The following CCNY variants were observed in gnomAD, a reference collection of about 807,000 sequenced individuals.
CCNY encodes cyclin-Y.
A neutral mutation model predicts 42.8 loss-of-function variants in CCNY; 19 were observed. The ratio of observed to expected loss-of-function variants is 0.44; its 90% CI spans 0.31 to 0.65. The LOEUF is 0.65. Ranked by LOEUF, CCNY falls within the 30% of genes least tolerant of loss-of-function variation. The probability of loss-of-function intolerance (pLI) is 0.07; values close to 1 mark genes in which losing one functional copy is unlikely to be tolerated. For missense variants in CCNY, 370 were observed against 437.3 expected, an observed-to-expected ratio of 0.85 and a Z score of 1.37; for synonymous variants, 165 against 162.7, an observed-to-expected ratio of 1.01 and a Z score of -0.11.
chr10:35,376,822 C>T (rs1186633445), intron 1 of CCNY, among the ~76,000 whole-genome samples: 2 of 152,108 alleles, frequency 1.3e-5, no homozygotes, highest in Admixed American at 6.5e-5. Context: ...TACGATTTCA[C>T]GTATATGAAA....
At chr10:35,502,345 C>T (rs1181753308) in intron 3 of CCNY, among the ~76,000 whole-genome samples, 1 of 152,206 alleles carries the variant, frequency 6.6e-6, no homozygotes, top group Non-Finnish European at 1.5e-5. Context: ...AACAGAACCA[C>T]ACAAGGGTCT....
intron 1 of CCNY, among the ~76,000 whole-genome samples, chr10:35,362,611 T>G (rs1298583636): frequency 6.6e-6 from 1 of 152,202 alleles, no homozygotes; most frequent in African/African-American, 2.4e-5. Flanking sequence ...TTAAAACTTT[T>G]AATTAAAAAG....
intron 1 of CCNY, among the ~76,000 whole-genome samples, chr10:35,415,158 A>G (rs768589728): frequency 6.6e-6 from 1 of 152,212 alleles, no homozygotes; most frequent in Non-Finnish European, 1.5e-5. Context: ...CAGGCCGTGC[A>G]CTCAGAGGAG....
chr10:35,463,681 CATT>C (rs769519665), intron 1 of CCNY, among the ~76,000 whole-genome samples: 118 of 152,284 alleles, frequency 7.7e-4, no homozygotes, highest in Middle Eastern at 6.8e-3. Flanking sequence ...TTTTAAAACT[CATT>C]ATTAAATTTG....
intron 1 of CCNY, among the ~76,000 whole-genome samples, chr10:35,359,352 C>T (rs1836629872): frequency 6.6e-6 from 1 of 152,130 alleles, no homozygotes; most frequent in Non-Finnish European, 1.5e-5. Context: ...GGTTCAGGCT[C>T]TCCCTGTACA....
intron 1 of CCNY, among the ~76,000 whole-genome samples, chr10:35,366,133 A>G (rs1248655751): frequency 6.6e-6 from 1 of 152,262 alleles, no homozygotes; most frequent in African/African-American, 2.4e-5. Flanking sequence ...CCAATTTGCA[A>G]ACATACATGC....
intron 7 of CCNY, among the ~76,000 whole-genome samples, chr10:35,552,562 T>G (rs911033794): frequency 1.3e-5 from 2 of 152,220 alleles, no homozygotes; most frequent in Admixed American, 6.5e-5. Context: ...TTACATGTTG[T>G]GTATATTTTA....
upstream of CCNY, among the ~76,000 whole-genome samples, chr10:35,335,698 A>AAC (rs372607794): frequency 5.7e-3 from 865 of 151,072 alleles, 6 homozygotes; most frequent in African/African-American, 0.018. Flanking sequence ...ACAAAAAGTT[A>AAC]ACACACACAC....
intron 1 of CCNY, among the ~76,000 whole-genome samples, chr10:35,477,418 A>G (rs1255821547): frequency 2.0e-5 from 3 of 150,650 alleles, no homozygotes; most frequent in Non-Finnish European, 4.5e-5. Flanking sequence ...ATCCAGCAGC[A>G]CATCAAAAAG....
At chr10:35,549,659 A>T (rs538581825) in intron 7 of CCNY, among the ~76,000 whole-genome samples, 1 of 139,682 alleles carries the variant, frequency 7.2e-6, no homozygotes, top group African/African-American at 2.8e-5. Flanking sequence ...CTCATGGCCC[A>T]TGACCCTACA....
chr10:35,553,205 G>T lies in CCNY; in HGVS notation c.746+20G>T, dbSNP rs768237252. Reference sequence around the variant, plus strand: ...GGACATGTGAGTTGGGGGGCAGAGGGTGTTGGTCATCAGAGTCTTGGCCAG... The same window carrying T: ...GGACATGTGAGTTGGGGGGCAGAGGTTGTTGGTCATCAGAGTCTTGGCCAG... On this transcript the variant is annotated intron_variant, in intron 8 of 9. Coordinates refer to ENST00000374704, the MANE Select transcript of CCNY (RefSeq NM_145012.6). The T allele has an allele frequency of 6.2e-7, 1 of 1,611,406 alleles. No individual in the cohort carries two copies.
chr10:35,483,867 C>T (rs1839727213), intron 2 of CCNY, among the ~76,000 whole-genome samples: 1 of 152,122 alleles, frequency 6.6e-6, no homozygotes. Flanking sequence ...AAAGTACCAC[C>T]AACTAGCTCT....
intron 1 of CCNY, among the ~76,000 whole-genome samples, chr10:35,358,938 C>A (rs986366031): frequency 6.6e-6 from 1 of 152,240 alleles, no homozygotes; most frequent in Non-Finnish European, 1.5e-5. Flanking sequence ...ACCTGTCTCC[C>A]GTCGGCTGCC....
rs1303730145 is a variant in CCNY, at chr10:35,272,740, T to C, written c.-9+22114T>C. ...GTGCTGCAATGAACATATGTGTGCA[T>C]GTGTCTTTATGATGGAATGATTTAT... On this transcript the variant is annotated intron_variant, in intron 3 of 11. Transcript: ENST00000374706. Among the ~76,000 whole-genome samples the C allele has an allele frequency of 2.6e-5, 4 of 152,210 alleles. No homozygotes were observed. The East Asian group carries it at 7.7e-4, about 29-fold the overall frequency.
chr10:35,468,472 A>T (rs1487149688), intron 1 of CCNY, among the ~76,000 whole-genome samples: 1 of 151,786 alleles, frequency 6.6e-6, no homozygotes, highest in Admixed American at 6.6e-5. Flanking sequence ...ACTCCCTTTT[A>T]TTTTTTTCAG....
At chr10:35,281,132 A>T (rs899484797) in intron 3 of CCNY, among the ~76,000 whole-genome samples, 2 of 152,144 alleles carry the variant, frequency 1.3e-5, no homozygotes, top group African/African-American at 4.8e-5. Context: ...CCACTCACAT[A>T]CACTGGTGGG....
intron 1 of CCNY, among the ~76,000 whole-genome samples, chr10:35,480,881 G>A (rs983680774): frequency 3.9e-5 from 6 of 152,044 alleles, no homozygotes; most frequent in South Asian, 2.1e-4. Context: ...CAGGAGGATC[G>A]CTTGAATCCA....
chr10:35,413,664 AC>A (rs1165728419), intron 1 of CCNY, among the ~76,000 whole-genome samples: 2 of 152,208 alleles, frequency 1.3e-5, no homozygotes, highest in African/African-American at 4.8e-5. Flanking sequence ...CGAGAGCACA[AC>A]CAGGGAAGGT....
intron 1 of CCNY, among the ~76,000 whole-genome samples, chr10:35,384,343 T>A (rs1027877991): frequency 6.6e-6 from 1 of 152,116 alleles, no homozygotes; most frequent in Non-Finnish European, 1.5e-5. Context: ...TGAATCCACA[T>A]GTTGCAAGAG....
Sources: allele counts gnomAD v4.1 joint callset (sites outside exome capture counted in the v4.1 genomes callset), GRCh38; gene constraint gnomAD v4.1.1; transcripts MANE v1.5; gene names NCBI Gene and HGNC (gene_info 2026-07-23, HGNC 2026-07-21).